Variants in CTNND2 observed in about 807,000 individuals in gnomAD.
CTNND2 encodes the protein catenin delta-2.
CTNND2 carries 22 observed loss-of-function variants against 144.4 expected under a neutral mutation model. The observed-to-expected ratio is 0.15, with a 90% CI of 0.11 to 0.22. The LOEUF (loss-of-function observed/expected upper bound fraction) is 0.22. Among genes scored for constraint, CTNND2 ranks in the 10% least tolerant of loss-of-function variants. The pLI is 1.00. For missense variants in CTNND2, 1,353 were observed against 1,618.8 expected (o/e 0.84, Z 2.82); for synonymous variants, 751 against 695.6 (o/e 1.08, Z -1.25).
At chr5:11,579,942 CCAAA>C (rs946289994) in intron 2 of CTNND2, among the ~76,000 whole-genome samples, 4 of 152,110 alleles carry the variant, frequency 2.6e-5, no homozygotes, top group Non-Finnish European at 5.9e-5. Context: ...CAATTTTTTC[CCAAA>C]CAATTTTCCC....
Position 10,973,794 on chromosome 5 carries a change from C to A in CTNND2, c.3418-81G>T. ...CCTCTTGCCCCGGCACCCAACTCTCCTTCAAAGAATAGGCTGTGTATATCC... is the reference window on the plus strand; with the variant it reads ...CCTCTTGCCCCGGCACCCAACTCTCATTCAAAGAATAGGCTGTGTATATCC... On this transcript the variant is annotated intron_variant, in intron 21 of 21. Coordinates refer to ENST00000304623, the MANE Select transcript of CTNND2 (RefSeq NM_001332.4). The surrounding 1 kb of genome is among the most constrained non-coding windows in gnomAD (Gnocchi z 5.6). 6.8e-7 allele frequency: 1 copy of A among 1,464,366 alleles called. No homozygotes were observed. Among genetic ancestry groups the A allele is most frequent in the Non-Finnish European group, 9.1e-7 (1 of 1,095,778 alleles). The allele number at this position is 1,464,366 out of a possible 1,614,324, so 90.7% of individuals were successfully genotyped here. A position where few individuals can be genotyped will look rare whatever the true frequency, so the allele number is the denominator to read the frequency against.
rs112844522 is a variant in CTNND2, at chr5:11,868,215, T to A, written c.37+35602A>T. ...TGCTGAGGATCACACTAGCCCCAAC[T>A]AAGACCTGCGGCTGGACTCCTGCCT... On this transcript the variant is annotated intron_variant, in intron 1 of 21. Transcript: ENST00000304623. Among the ~76,000 whole-genome samples the A allele has an allele frequency of 2.1e-3, 318 of 152,102 alleles. 2 individuals are homozygous for A. Among genetic ancestry groups the A allele is most frequent in the African/African-American group, 6.9e-3 (285 of 41,512 alleles).
intron 3 of CTNND2, among the ~76,000 whole-genome samples, chr5:11,485,201 A>G (rs1489097684): frequency 6.6e-6 from 1 of 152,210 alleles, no homozygotes; most frequent in Non-Finnish European, 1.5e-5. Flanking sequence ...AAAGAAACAT[A>G]AAAACAAAAT....
chr5:11,698,755 A>G (rs1785257558), intron 2 of CTNND2, among the ~76,000 whole-genome samples: 1 of 152,130 alleles, frequency 6.6e-6, no homozygotes, highest in African/African-American at 2.4e-5. Context: ...AAATGTTATG[A>G]AAGCAATGGA....
At chr5:11,789,203 C>T (rs1180710030) in intron 1 of CTNND2, among the ~76,000 whole-genome samples, 2 of 152,156 alleles carry the variant, frequency 1.3e-5, no homozygotes, top group Admixed American at 6.5e-5. Context: ...TTTGACCTAA[C>T]ATTATTACTA....
At chr5:11,825,079 T>G (rs1036605809) in intron 1 of CTNND2, among the ~76,000 whole-genome samples, 1 of 152,118 alleles carries the variant, frequency 6.6e-6, no homozygotes, top group Non-Finnish European at 1.5e-5. Context: ...TACCTTTGAT[T>G]TTGCTGTTCT....
At position 11,421,683 on chromosome 5, in the gene CTNND2, A is replaced by G. The variant is rs563162373; in HGVS notation, c.288-9614T>C. Among the ~76,000 whole-genome samples, 41 of 152,318 alleles carry G rather than the reference A, an allele frequency of 2.7e-4. No individual in the cohort carries two copies. In the East Asian group the frequency reaches 5.8e-3, roughly 22 times the overall value. Reference sequence around the variant, plus strand: ...TGCATCTAAGCAGCCAGACACAACCAGTCCTAGAGAAAATGGTGACACAGT... The same window carrying G: ...TGCATCTAAGCAGCCAGACACAACCGGTCCTAGAGAAAATGGTGACACAGT... On this transcript the variant is annotated intron_variant, in intron 3 of 21. Coordinates refer to ENST00000304623, the MANE Select transcript of CTNND2 (RefSeq NM_001332.4).
chr5:11,460,339 A>G (rs890657542), intron 3 of CTNND2, among the ~76,000 whole-genome samples: 2 of 152,244 alleles, frequency 1.3e-5, no homozygotes, highest in African/African-American at 4.8e-5. Context: ...TGCAAAGAAT[A>G]AAGCTTGGAA....
At chr5:11,128,815 T>TTATATATAATATATA (rs1554049779) in intron 12 of CTNND2, among the ~76,000 whole-genome samples, 17 of 34,612 alleles carry the variant, frequency 4.9e-4, no homozygotes, top group South Asian at 1.1e-3. Context: ...ACAATATATA[T>TTATATATAATATATA]AATATATATT....
intron 3 of CTNND2, among the ~76,000 whole-genome samples, chr5:11,469,293 T>A (rs566825690): frequency 6.6e-6 from 1 of 152,210 alleles, no homozygotes; most frequent in East Asian, 1.9e-4. Context: ...TATTTTTGCA[T>A]GCAGATTGTA....
chr5:11,181,463 G>A (rs563411082), intron 11 of CTNND2, among the ~76,000 whole-genome samples: 1 of 152,252 alleles, frequency 6.6e-6, no homozygotes. Flanking sequence ...TGTGCCCCGG[G>A]GAGCCATGGT....
At chr5:11,657,800 A>C (rs1271755300) in intron 2 of CTNND2, among the ~76,000 whole-genome samples, 1 of 152,152 alleles carries the variant, frequency 6.6e-6, no homozygotes, top group African/African-American at 2.4e-5. Flanking sequence ...CCCAAGTCTC[A>C]GTATCACACA....
chr5:11,332,449 A>G (rs1753270755), intron 9 of CTNND2, among the ~76,000 whole-genome samples: 1 of 152,054 alleles, frequency 6.6e-6, no homozygotes, highest in African/African-American at 2.4e-5. Context: ...GCCAGCCTGT[A>G]GTTGTCTCCT....
chr5:11,301,968 G>A (rs1423748384), intron 9 of CTNND2, among the ~76,000 whole-genome samples: 1 of 152,120 alleles, frequency 6.6e-6, no homozygotes, highest in African/African-American at 2.4e-5. Flanking sequence ...AAGAGGGAGT[G>A]GGTAAACTGG....
Position 11,719,833 on chromosome 5 carries a change from T to TATAC in CTNND2, c.174+12302_174+12303insGTAT, listed in dbSNP as rs752731192. ...TGAATTTGTGGGTAGCTCTGACATA[T>TATAC]ACACACACACACACACACACACACA... On this transcript the variant is annotated intron_variant, in intron 2 of 21. Coordinates refer to ENST00000304623, the MANE Select transcript of CTNND2 (RefSeq NM_001332.4). Among the ~76,000 whole-genome samples, 484 of 142,100 alleles carry TATAC rather than the reference T, an allele frequency of 3.4e-3. 8 individuals are homozygous for TATAC. Among genetic ancestry groups the TATAC allele is most frequent in the Admixed American group, 0.028 (386 of 14,012 alleles). 93.2% of individuals were successfully genotyped at this position (142,100 alleles called of 152,430 possible). A position where few individuals can be genotyped will look rare whatever the true frequency, so the allele number is the denominator to read the frequency against.
intron 2 of CTNND2, among the ~76,000 whole-genome samples, chr5:11,725,735 T>C (rs117830254): frequency 0.014 from 2,092 of 152,328 alleles, 23 homozygotes; most frequent in East Asian, 0.057. Flanking sequence ...GTTTCACATG[T>C]ACATTTTATA....
At chr5:11,708,359 AG>A (rs1785834299) in intron 2 of CTNND2, among the ~76,000 whole-genome samples, 1 of 152,212 alleles carries the variant, frequency 6.6e-6, no homozygotes, top group South Asian at 2.1e-4. Context: ...ACATTACCAA[AG>A]GGGGCCAAGA....
chr5:11,655,372 C>T (rs1276880813), intron 2 of CTNND2, among the ~76,000 whole-genome samples: 1 of 151,820 alleles, frequency 6.6e-6, no homozygotes, highest in East Asian at 1.9e-4. Flanking sequence ...ATTTAAGGTG[C>T]AACCACCACC....
At chr5:11,506,229 C>A (rs1581364855) in intron 3 of CTNND2, among the ~76,000 whole-genome samples, 1 of 152,156 alleles carries the variant, frequency 6.6e-6, no homozygotes, top group African/African-American at 2.4e-5. Context: ...GCTCCAGCAT[C>A]AGACCACCTC....
Sources: gnomAD v4.1 joint callset for allele counts (sites outside exome capture counted in the v4.1 genomes callset) on GRCh38, gnomAD v4.1.1 for gene constraint, Gnocchi (gnomAD v3.1) non-coding constraint, MANE v1.5 for transcripts, NCBI Gene and HGNC (gene_info 2026-07-23, HGNC 2026-07-21) for gene names.